GABRR2: variants seen among roughly 807,000 people sequenced by gnomAD.
The protein encoded by GABRR2 is gamma-aminobutyric acid type A receptor subunit rho2, also known as gamma-aminobutyric acid receptor subunit rho-2.
In GABRR2, 36 loss-of-function variants were observed where a neutral mutation model predicts 47.0. That is an observed-to-expected ratio of 0.77 (90% CI 0.59 to 1.01). The LOEUF (loss-of-function observed/expected upper bound fraction) is 1.01. Among genes scored for constraint, GABRR2 ranks in the 50% least tolerant of loss-of-function variants. The probability of loss-of-function intolerance (pLI) is 0.00; values close to 1 mark genes in which losing one functional copy is unlikely to be tolerated. For synonymous variants in GABRR2, 204 were observed against 227.5 expected (o/e 0.90, Z 0.93); for missense variants, 587 against 594.6 (o/e 0.99, Z 0.13).
chr6:89,302,161 C>T (rs957756861), intron 1 of GABRR2: 11 of 569,498 alleles, frequency 1.9e-5, no homozygotes, highest in Non-Finnish European at 3.8e-5. Flanking sequence ...AGAACTGCGA[C>T]GGTCTGTAGG....
chr6:89,265,750 A>G lies in GABRR2; in HGVS notation c.752T>C (p.Leu251Pro), dbSNP rs1305088257. 1.2e-6 allele frequency: 2 copies of G among 1,614,022 alleles called. No homozygotes were observed. The highest frequency in any genetic ancestry group is 1.7e-6 in the Non-Finnish European group (2 of 1,180,018). ...GCGACGCAACGTGAAGTTAATGTACAGACGGTTGTACCAGCCTAGGGGATG... is the reference window on the plus strand; with the variant it reads ...GCGACGCAACGTGAAGTTAATGTACGGACGGTTGTACCAGCCTAGGGGATG... ...FYSSTGWYNR[L>P]YINFTLRRHI... The change falls in exon 7 of 9, where the codon CTG becomes CCG. Residue 251 changes from leucine to proline, a missense_variant. Physicochemically the swap from Leu to Pro is moderately conservative, Grantham distance 98. Transcript: ENST00000402938.
chr6:89,309,345 C>A (rs1225296622), intron 1 of GABRR2, among the ~76,000 whole-genome samples: 1 of 152,034 alleles, frequency 6.6e-6, no homozygotes, highest in Non-Finnish European at 1.5e-5. Flanking sequence ...GTCCTTTGAA[C>A]CCTGCCCTCA....
At chr6:89,293,413 C>T (rs1348768057) in intron 2 of GABRR2, among the ~76,000 whole-genome samples, 1 of 152,064 alleles carries the variant, frequency 6.6e-6, no homozygotes, top group Non-Finnish European at 1.5e-5. Flanking sequence ...ATACTTAATG[C>T]CACTGAACTG....
chr6:89,307,104 A>T (rs1767581184), intron 1 of GABRR2, among the ~76,000 whole-genome samples: 1 of 152,172 alleles, frequency 6.6e-6, no homozygotes. Context: ...AGAAATTTAA[A>T]CCAATTCCAT....
At chr6:89,258,735 AAAAG>A (rs745340837) in intron 8 of GABRR2, among the ~76,000 whole-genome samples, 33 of 150,380 alleles carry the variant, frequency 2.2e-4, no homozygotes, top group Non-Finnish European at 4.1e-4. Flanking sequence ...TTTTAAAAAA[AAAAG>A]AAAGAAAGAA....
At chr6:89,295,977 T>C (rs546278168) in intron 2 of GABRR2, among the ~76,000 whole-genome samples, 39 of 152,198 alleles carry the variant, frequency 2.6e-4, no homozygotes, top group Non-Finnish European at 4.9e-4. Flanking sequence ...GTTCCATTGG[T>C]CTATGTCTCT....
chr6:89,298,863 TA>T (rs1022712661), intron 2 of GABRR2, among the ~76,000 whole-genome samples: 1 of 152,172 alleles, frequency 6.6e-6, no homozygotes, highest in Non-Finnish European at 1.5e-5. Context: ...CCAGTGGGAT[TA>T]GTGCTCTTAG....
At chr6:89,269,310 A>G (rs953178358) in intron 3 of GABRR2, 76 bp from the exon 4 acceptor site, 70 of 1,057,274 alleles carry the variant, frequency 6.6e-5, no homozygotes, top group Non-Finnish European at 7.3e-5. Flanking sequence ...ACCATTCACT[A>G]CTGTGGTGAA....
At chr6:89,258,892 T>G (rs1316401003) in intron 8 of GABRR2, among the ~76,000 whole-genome samples, 3 of 146,948 alleles carry the variant, frequency 2.0e-5, no homozygotes, top group African/African-American at 7.5e-5. Context: ...ATGCATTGAA[T>G]GCATAATACA....
At chr6:89,282,830 C>A (rs1210396539) in intron 2 of GABRR2, among the ~76,000 whole-genome samples, 2 of 152,264 alleles carry the variant, frequency 1.3e-5, no homozygotes, top group East Asian at 3.8e-4. Context: ...CAGTCTCCCC[C>A]TTCCAGATCC....
Position 89,257,947 on chromosome 6 carries a change from GT to G in GABRR2, c.1120del (p.Thr374ProfsTer2), listed in dbSNP as rs750907981. On this transcript the variant is annotated frameshift_variant, in exon 9 of 9. Transcript: ENST00000402938. LOFTEE classifies it high-confidence loss of function. ...ACTGTAGCTTCCATCCAGCATCATGGTTTTTGAATGAAGCATTCCACACATG... is the reference window on the plus strand; with the variant it reads ...ACTGTAGCTTCCATCCAGCATCATGGTTTTGAATGAAGCATTCCACACATG... ...PCMCGMLHSKTMMLDGSYSES... is the reference protein window; with the variant it reads ...PCMCGMLHSKXMMLDGSYSES... The G allele has an allele frequency of 1.2e-5, 20 of 1,613,858 alleles. No homozygotes were observed. Among genetic ancestry groups the G allele is most frequent in the Non-Finnish European group, 1.7e-5 (20 of 1,179,848 alleles).
chr6:89,264,806 C>T (rs1446489413), intron 7 of GABRR2, among the ~76,000 whole-genome samples, 198 bp from the exon 8 acceptor site: 2 of 152,142 alleles, frequency 1.3e-5, no homozygotes, highest in African/African-American at 4.8e-5. Context: ...GCTTGCTTGT[C>T]CCATTTTCCT....
intron 8 of GABRR2, among the ~76,000 whole-genome samples, chr6:89,264,069 G>A (rs1351072912): frequency 6.6e-6 from 1 of 152,156 alleles, no homozygotes; most frequent in Non-Finnish European, 1.5e-5. Context: ...ACATGTGAAA[G>A]ATCAAAACAA....
At chr6:89,270,069 A>G (rs1774012785) in intron 3 of GABRR2, among the ~76,000 whole-genome samples, 1 of 152,238 alleles carries the variant, frequency 6.6e-6, no homozygotes, top group Admixed American at 6.5e-5. Context: ...GCACTGGGAT[A>G]GTGCATGCAT....
At position 89,265,666 on chromosome 6, in the gene GABRR2, G is replaced by T; in HGVS notation, c.836C>A (p.Ser279Tyr). 1 of 1,614,196 alleles carries T rather than the reference G, an allele frequency of 6.2e-7. No individual in the cohort carries two copies. Among genetic ancestry groups the T allele is most frequent in the Non-Finnish European group, 8.5e-7 (1 of 1,180,028 alleles). Residue 279 changes from serine to tyrosine, a missense_variant, in exon 7 of 9, where the codon TCC becomes TAC. By Grantham distance (144) the Ser-to-Tyr change is moderately radical. Coordinates refer to ENST00000402938, the MANE Select transcript of GABRR2 (RefSeq NM_002043.5). ...GCGGTCGATCCAGAAGGACACCCAG[G>T]ACAGCATGACCATCAGAGTGGCAGG... The part of the protein sequence containing the change: ...YFPATLMVML[S>Y]WVSFWIDRRA...
chr6:89,292,742 A>C (rs1486209912), intron 2 of GABRR2, among the ~76,000 whole-genome samples: 1 of 98,250 alleles, frequency 1.0e-5, no homozygotes, highest in African/African-American at 3.4e-5. Flanking sequence ...TATCATATAT[A>C]ATCGTATATA....
chr6:89,267,760 T>A lies in GABRR2; in HGVS notation c.655A>T (p.Thr219Ser), dbSNP rs1773937514. Residue 219 changes from threonine to serine, a missense_variant, in exon 6 of 9, where the codon ACA becomes TCA. Thr to Ser is a moderately conservative substitution (Grantham distance 58). Coordinates refer to ENST00000402938, the MANE Select transcript of GABRR2 (RefSeq NM_002043.5). ...YWKNGDESLK[T>S]DEKISLSQFL... ...TGAGACAAGGAGATCTTCTCATCTG[T>A]TTTTAGGGATTCATCCCCATTCTTC... 2 of 1,613,798 alleles carry A rather than the reference T, an allele frequency of 1.2e-6. No individual in the cohort carries two copies. Among genetic ancestry groups the A allele is most frequent in the Middle Eastern group, 1.6e-4 (1 of 6,062 alleles).
At chr6:89,265,489 T>C (rs1773869674) in intron 7 of GABRR2, 124 bp downstream of exon 7, 2 of 1,040,564 alleles carry the variant, frequency 1.9e-6, no homozygotes, top group African/African-American at 1.6e-5. Flanking sequence ...AAACATGAAG[T>C]TGCTCCTTCT....
Position 89,269,172 on chromosome 6 carries a change from G to T in GABRR2, c.351C>A (p.Ser117Arg). ...YWKDERLAFS[S>R]ASNKSMTFDG... ...CGAAGGTCATGCTCTTGTTGCTGGC[G>T]CTGGAGAAAGCTAGCCTCTCATCCT... is the stretch of plus-strand genomic sequence containing the variant. Residue 117 changes from serine (S) to arginine (R), a missense_variant, in exon 4 of 9, where the codon AGC becomes AGA. By Grantham distance (110) the Ser-to-Arg change is moderately radical. Coordinates refer to ENST00000402938, the MANE Select transcript of GABRR2 (RefSeq NM_002043.5). 6.2e-7 allele frequency: 1 copy of T among 1,614,068 alleles called. No individual in the cohort carries two copies. Among genetic ancestry groups the T allele is most frequent in the South Asian group, 1.1e-5 (1 of 91,086 alleles).
Sources: gnomAD v4.1 joint callset for allele counts (sites outside exome capture counted in the v4.1 genomes callset) on GRCh38, gnomAD v4.1.1 for gene constraint, MANE v1.5 for transcripts, NCBI Gene and HGNC (gene_info 2026-07-23, HGNC 2026-07-21) for gene names.